LSAMP: variants seen among roughly 807,000 people sequenced by gnomAD.
LSAMP encodes the protein limbic system-associated membrane protein.
LSAMP carries 7 observed loss-of-function variants against 38.6 expected under a neutral mutation model. That is an observed-to-expected ratio of 0.18 (90% CI 0.10 to 0.34). The LOEUF (loss-of-function observed/expected upper bound fraction) is 0.34, where lower values mean the gene tolerates loss of function less well. Among genes scored for constraint, LSAMP ranks in the 10% least tolerant of loss-of-function variants. The pLI is 1.00. For synonymous variants in LSAMP, 154 were observed against 166.8 expected (o/e 0.92, Z 0.59); for missense variants, 313 against 420.0 (o/e 0.75, Z 2.23).
chr3:116,229,702 G>T (rs2046380870), intron 1 of LSAMP, among the ~76,000 whole-genome samples: 1 of 152,038 alleles, frequency 6.6e-6, no homozygotes, highest in Non-Finnish European at 1.5e-5. Context: ...ATTTAAAAAA[G>T]ATGACAAAAC....
intron 2 of LSAMP, among the ~76,000 whole-genome samples, chr3:116,047,374 TAAA>T (rs71616339): frequency 0.15 from 19,370 of 132,356 alleles, 1,373 homozygotes; most frequent in Non-Finnish European, 0.18. Context: ...GAATCTAGTC[TAAA>T]AAAAAAAAAA....
At chr3:116,272,194 C>T (rs1039863883) in intron 1 of LSAMP, among the ~76,000 whole-genome samples, 4 of 151,812 alleles carry the variant, frequency 2.6e-5, no homozygotes, top group Non-Finnish European at 5.9e-5. Flanking sequence ...TATGTATGTG[C>T]GAATAACACT....
chr3:116,237,581 G>A (rs2046481715), intron 1 of LSAMP, among the ~76,000 whole-genome samples: 1 of 152,148 alleles, frequency 6.6e-6, no homozygotes, highest in Non-Finnish European at 1.5e-5. Flanking sequence ...AAGGTATCTA[G>A]TTCCATCCCT....
chr3:116,264,561 T>TAGAG (rs2046869901), intron 1 of LSAMP, among the ~76,000 whole-genome samples: 1 of 152,070 alleles, frequency 6.6e-6, no homozygotes, highest in Non-Finnish European at 1.5e-5. Context: ...AGTTAAGGGA[T>TAGAG]AGAGAGTTAG....
intron 1 of LSAMP, among the ~76,000 whole-genome samples, chr3:116,184,175 T>C (rs2107573283): frequency 6.6e-6 from 1 of 151,974 alleles, no homozygotes; most frequent in Admixed American, 6.6e-5. Flanking sequence ...ATCATCAGCT[T>C]CCTTATCATC....
intron 3 of LSAMP, among the ~76,000 whole-genome samples, chr3:115,918,432 A>C (rs1026614266): frequency 6.6e-6 from 1 of 152,234 alleles, no homozygotes; most frequent in African/African-American, 2.4e-5. Flanking sequence ...TTCTGAAATC[A>C]TGATAACCTC....
intron 1 of LSAMP, among the ~76,000 whole-genome samples, chr3:116,157,275 A>G (rs866033604): frequency 1.2e-4 from 19 of 152,210 alleles, no homozygotes; most frequent in Middle Eastern, 3.4e-3. Context: ...GTCTTTCTCC[A>G]TAACTTATAG....
At chr3:116,405,402 G>A (rs2048886389) in intron 1 of LSAMP, among the ~76,000 whole-genome samples, 1 of 152,078 alleles carries the variant, frequency 6.6e-6, no homozygotes, top group South Asian at 2.1e-4. Context: ...GAGAGCATCT[G>A]GGAGACAGAC....
intron 3 of LSAMP, among the ~76,000 whole-genome samples, chr3:116,008,995 A>G (rs944139138): frequency 5.3e-5 from 8 of 152,306 alleles, no homozygotes; most frequent in Admixed American, 2.0e-4. Flanking sequence ...AGTGATGCCA[A>G]TTCTGATAGT....
chr3:116,314,356 T>C (rs2047600796), intron 1 of LSAMP, among the ~76,000 whole-genome samples: 1 of 152,222 alleles, frequency 6.6e-6, no homozygotes, highest in African/African-American at 2.4e-5. Context: ...AGGACAATGC[T>C]TAGAAACATG....
At position 116,161,199 on chromosome 3, in the gene LSAMP, A is replaced by G. The variant is rs868673331; in HGVS notation, c.156-74643T>C. ...ACAAGAAGCATGCAAAGGTTTTTGC[A>G]TTGTACCCACCACAGTGAGGAAGCA... On this transcript the variant is annotated intron_variant, in intron 1 of 6. Coordinates refer to ENST00000490035, the MANE Select transcript of LSAMP (RefSeq NM_002338.5). 3.9e-5 allele frequency among the ~76,000 whole-genome samples: 6 copies of G among 152,308 alleles called. No individual in the cohort carries two copies. The Middle Eastern group carries it at 0.01, about 259-fold the overall frequency.
intron 3 of LSAMP, among the ~76,000 whole-genome samples, chr3:116,015,257 C>G (rs965475645): frequency 6.6e-6 from 1 of 152,112 alleles, no homozygotes; most frequent in Non-Finnish European, 1.5e-5. Flanking sequence ...TAAACCTTTG[C>G]AGAAATGAAA....
intron 2 of LSAMP, among the ~76,000 whole-genome samples, chr3:116,039,389 G>A (rs1172619509): frequency 6.6e-6 from 1 of 152,212 alleles, no homozygotes; most frequent in Non-Finnish European, 1.5e-5. Flanking sequence ...ATCAAAGGAA[G>A]TCTTTCTCCA....
At chr3:116,154,325 T>C (rs1709690503) in intron 1 of LSAMP, among the ~76,000 whole-genome samples, 1 of 152,114 alleles carries the variant, frequency 6.6e-6, no homozygotes, top group African/African-American at 2.4e-5. Flanking sequence ...TAGAAAAGCA[T>C]TTTTAATAAC....
intron 3 of LSAMP, among the ~76,000 whole-genome samples, chr3:115,901,434 G>A (rs1334804897): frequency 6.6e-6 from 1 of 152,112 alleles, no homozygotes; most frequent in East Asian, 1.9e-4. Context: ...CCAGATTACA[G>A]ATACCTATTT....
At chr3:116,073,175 A>T (rs566861041) in intron 2 of LSAMP, among the ~76,000 whole-genome samples, 18 of 152,250 alleles carry the variant, frequency 1.2e-4, no homozygotes, top group African/African-American at 3.9e-4. Context: ...TCCTTTCTCC[A>T]TTGCTTGTTT....
intron 3 of LSAMP, among the ~76,000 whole-genome samples, chr3:115,934,296 C>T (rs546115984): frequency 3.3e-5 from 5 of 151,826 alleles, no homozygotes; most frequent in South Asian, 2.1e-4. Context: ...CTCAAGCCTC[C>T]GCCTCCCAAT....
intron 1 of LSAMP, among the ~76,000 whole-genome samples, chr3:116,178,450 G>A (rs987816419): frequency 1.3e-5 from 2 of 152,152 alleles, no homozygotes; most frequent in Admixed American, 1.3e-4. Context: ...TTACAGGCGT[G>A]AGCCACCACG....
intron 1 of LSAMP, among the ~76,000 whole-genome samples, chr3:116,174,261 C>A (rs1469464171): frequency 3.3e-5 from 5 of 151,782 alleles, no homozygotes; most frequent in Non-Finnish European, 5.9e-5. Context: ...TTTTATGGTG[C>A]CTTTTATGTG....
Sources: allele counts gnomAD v4.1 joint callset (sites outside exome capture counted in the v4.1 genomes callset), GRCh38; gene constraint gnomAD v4.1.1; transcripts MANE v1.5; gene names NCBI Gene and HGNC (gene_info 2026-07-23, HGNC 2026-07-21).